Variants in TMEM275 observed in about 807,000 individuals in gnomAD.
TMEM275 encodes transmembrane protein 275.
chr1:46,533,729 A>C lies in TMEM275; in HGVS notation c.-123-79T>G. 1 of 362,472 alleles carries C rather than the reference A, an allele frequency of 2.8e-6. No homozygotes were observed. The highest frequency in any genetic ancestry group is 4.9e-6 in the Non-Finnish European group (1 of 203,136). 22.5% of individuals were successfully genotyped at this position (362,472 alleles called of 1,614,324 possible). On this transcript the variant is annotated intron_variant, in intron 1 of 1. Coordinates refer to ENST00000634804, the Ensembl canonical transcript of TMEM275. The surrounding 1 kb of genome is among the most constrained non-coding windows in gnomAD (Gnocchi z 4.4). ...CTAGGCTCCGTCTGTAGCTACACTG[A>C]GTGCCTGGGTGGGCAGAGGTCATCT...
chr1:46,532,311 T>C (rs551701155), exon 2 of TMEM275: 1 of 152,400 alleles, frequency 6.6e-6, no homozygotes, highest in South Asian at 2.1e-4. Context: ...CACTCACCTC[T>C]GTCAGGGCCC....
chr1:46,533,049 G>C lies in TMEM275; in HGVS notation c.479C>G (p.Ala160Gly). 1 of 396,074 alleles carries C rather than the reference G, an allele frequency of 2.5e-6. No individual in the cohort carries two copies. Among genetic ancestry groups the C allele is most frequent in the Non-Finnish European group, 4.5e-6 (1 of 224,390 alleles). 24.5% of individuals were successfully genotyped at this position (396,074 alleles called of 1,614,324 possible). A position where few individuals can be genotyped will look rare whatever the true frequency, so the allele number is the denominator to read the frequency against. The change falls in exon 2 of 2, where the codon GCG (alanine) becomes GGG (glycine). Residue 160 changes from alanine to glycine, a missense_variant. Ala to Gly is a moderately conservative substitution (Grantham distance 60, BLOSUM62 0). Coordinates refer to ENST00000634804, the Ensembl canonical transcript of TMEM275. The surrounding 1 kb of genome is among the most constrained non-coding windows in gnomAD (Gnocchi z 4.4). ...GAGCTGGACTCCTTCCGAGCGCAGCGCGCAGACGGCCGCGGGCGCCGGGGC... is the reference window on the plus strand; with the variant it reads ...GAGCTGGACTCCTTCCGAGCGCAGCCCGCAGACGGCCGCGGGCGCCGGGGC...
rs1050025605 is a variant in TMEM275, at chr1:46,533,471, G to C, written c.57C>G (p.Ala19=). ...ACGGCAGGCCGGGCACCCGGCCCCGGGCGCGTTCCGCGGGCGCCGGGACCG... is the reference window on the plus strand; with the variant it reads ...ACGGCAGGCCGGGCACCCGGCCCCGCGCGCGTTCCGCGGGCGCCGGGACCG... The change falls in exon 2 of 2, where the codon GCC becomes GCG. Residue 19 remains alanine (A), a synonymous_variant. Coordinates refer to ENST00000634804, the Ensembl canonical transcript of TMEM275. This position sits in a 1 kb window ranked among gnomAD's most constrained non-coding sequence, Gnocchi z 4.4. The C allele has an allele frequency of 1.0e-5, 4 of 388,074 alleles. No individual in the cohort carries two copies. The highest frequency in any genetic ancestry group is 4.5e-5 in the Admixed American group (1 of 22,302). The allele number at this position is 388,074 out of a possible 1,614,324, so 24.0% of individuals were successfully genotyped here.
intron 1 of TMEM275, among the ~76,000 whole-genome samples, 56 bp downstream of exon 1, chr1:46,535,055 T>G (rs1316371705): frequency 6.6e-6 from 1 of 152,074 alleles, no homozygotes; most frequent in Non-Finnish European, 1.5e-5. Context: ...ATCTGGGAGG[T>G]TGGTCATGTT....
At chr1:46,534,401 C>A (rs1484379053) in intron 1 of TMEM275, among the ~76,000 whole-genome samples, 54 bp downstream of exon 2, 1 of 152,156 alleles carries the variant, frequency 6.6e-6, no homozygotes, top group Non-Finnish European at 1.5e-5. Flanking sequence ...TGGAGCAGAT[C>A]TAAAGCACCA....
At position 46,533,243 on chromosome 1, in the gene TMEM275, C is replaced by T; in HGVS notation, c.285G>A (p.Ala95=). The T allele has an allele frequency of 6.0e-6, 2 of 334,450 alleles. No homozygotes were observed. 20.7% of individuals were successfully genotyped at this position (334,450 alleles called of 1,614,324 possible). Reference sequence around the variant, plus strand: ...CACCCTGGCCCGGGCCCGCCGCGGCCGCCGAGCGCCCACGGGGCGCGAGGC... The same window carrying T: ...CACCCTGGCCCGGGCCCGCCGCGGCTGCCGAGCGCCCACGGGGCGCGAGGC... Residue 95 remains alanine (A), a synonymous_variant, in exon 2 of 2, where the codon GCG becomes GCA. Transcript: ENST00000634804. This position sits in a 1 kb window ranked among gnomAD's most constrained non-coding sequence, Gnocchi z 4.4.
Position 46,533,694 on chromosome 1 carries a change from A to T in TMEM275, c.-123-44T>A, listed in dbSNP as rs1666703011. ...AGGGCGGCGTCAGCAGGGTATCTTG[A>T]CCTCCAGTCCTAGGCTCCGTCTGTA... On this transcript the variant is annotated intron_variant, in intron 1 of 1. Transcript: ENST00000634804. This position sits in a 1 kb window ranked among gnomAD's most constrained non-coding sequence, Gnocchi z 4.4. The T allele has an allele frequency of 2.7e-6, 1 of 367,424 alleles. No homozygotes were observed. Among genetic ancestry groups the T allele is most frequent in the African/African-American group, 2.1e-5 (1 of 47,248 alleles). 22.8% of individuals were successfully genotyped at this position (367,424 alleles called of 1,614,324 possible). A position where few individuals can be genotyped will look rare whatever the true frequency, so the allele number is the denominator to read the frequency against.
rs1164616842 is a variant in TMEM275 at position 46,533,501 on chromosome 1, C to T, written c.27G>A (p.Gly9=). The change falls in exon 2 of 2, where the codon GGG becomes GGA. Residue 9 remains glycine, a synonymous_variant. Transcript: ENST00000634804. The surrounding 1 kb of genome is among the most constrained non-coding windows in gnomAD (Gnocchi z 4.4). ...GTTCCGCGGGCGCCGGGACCGGTGG[C>T]CCCTCGCTCTTTTCTGCCGGCGGCA... The T allele has an allele frequency of 7.7e-6, 3 of 388,964 alleles. No individual in the cohort carries two copies. The highest frequency in any genetic ancestry group is 1.4e-5 in the Non-Finnish European group (3 of 219,824). 24.1% of individuals were successfully genotyped at this position (388,964 alleles called of 1,614,324 possible).
intron 1 of TMEM275, among the ~76,000 whole-genome samples, 54 bp from the exon 3 acceptor site, chr1:46,534,095 G>C (rs1391944390): frequency 6.6e-6 from 1 of 152,150 alleles, no homozygotes; most frequent in Non-Finnish European, 1.5e-5. Flanking sequence ...CTCTCAAGTG[G>C]AAGAGGCCTT....
At position 46,533,080 on chromosome 1, in the gene TMEM275, G is replaced by C; in HGVS notation, c.448C>G (p.Leu150Val). 1 of 394,404 alleles carries C rather than the reference G, an allele frequency of 2.5e-6. No homozygotes were observed. Among genetic ancestry groups the C allele is most frequent in the Non-Finnish European group, 4.5e-6 (1 of 223,376 alleles). 24.4% of individuals were successfully genotyped at this position (394,404 alleles called of 1,614,324 possible). A position where few individuals can be genotyped will look rare whatever the true frequency, so the allele number is the denominator to read the frequency against. Residue 150 changes from leucine (L) to valine (V), a missense_variant, in exon 2 of 2, where the codon CTG becomes GTG. By Grantham distance (32) the Leu-to-Val change is conservative. Coordinates refer to ENST00000634804, the Ensembl canonical transcript of TMEM275. The surrounding 1 kb of genome is among the most constrained non-coding windows in gnomAD (Gnocchi z 4.4). ...ACGGCCGCGGGCGCCGGGGCCTCCA[G>C]GGCGAGGGGGCTGGGGCCGGGGCTG...
rs1666697635 is a variant in TMEM275 at position 46,533,465 on chromosome 1, G to A, written c.63C>T (p.Gly21=). Residue 21 remains glycine, a synonymous_variant, in exon 2 of 2, where the codon GGC becomes GGT. Coordinates refer to ENST00000634804, the Ensembl canonical transcript of TMEM275. The surrounding 1 kb of genome is among the most constrained non-coding windows in gnomAD (Gnocchi z 4.4). The stretch of plus-strand genomic sequence containing the variant: ...CCGGCGACGGCAGGCCGGGCACCCG[G>A]CCCCGGGCGCGTTCCGCGGGCGCCG... 2 of 386,706 alleles carry A rather than the reference G, an allele frequency of 5.2e-6. No individual in the cohort carries two copies. Among genetic ancestry groups the A allele is most frequent in the Non-Finnish European group, 9.2e-6 (2 of 218,434 alleles). The allele number at this position is 386,706 out of a possible 1,614,324, so 24.0% of individuals were successfully genotyped here.
At chr1:46,532,651 GA>G (rs1666681980) in exon 2 of TMEM275, 1 of 189,192 alleles carries the variant, frequency 5.3e-6, no homozygotes, top group Non-Finnish European at 1.1e-5. Flanking sequence ...ATGCCAGGGG[GA>G]GGTGGCAGTG....
Position 46,533,163 on chromosome 1 carries a change from T to C in TMEM275, c.365A>G (p.Gln122Arg), listed in dbSNP as rs1666690504. The C allele has an allele frequency of 2.6e-6, 1 of 383,604 alleles. No homozygotes were observed. The highest frequency in any genetic ancestry group is 4.6e-6 in the Non-Finnish European group (1 of 217,400). 23.8% of individuals were successfully genotyped at this position (383,604 alleles called of 1,614,324 possible). ...GCTGAGCTGCACGGCCGTGGTGTCC[T>C]GTGCCGTGGGCTCGCTGCTCTCCAT... The change falls in exon 2 of 2, where the codon CAG (glutamine) becomes CGG (arginine). Residue 122 changes from glutamine to arginine, a missense_variant. By Grantham distance (43) the Gln-to-Arg change is conservative. Coordinates refer to ENST00000634804, the Ensembl canonical transcript of TMEM275. The surrounding 1 kb of genome is among the most constrained non-coding windows in gnomAD (Gnocchi z 4.4).
In TMEM275 at chr1:46,533,507, G is replaced by A; in HGVS notation, c.21C>T (p.Ser7=). The A allele has an allele frequency of 2.6e-6, 1 of 388,684 alleles. No individual in the cohort carries two copies. 24.1% of individuals were successfully genotyped at this position (388,684 alleles called of 1,614,324 possible). Residue 7 remains serine (S), a synonymous_variant, in exon 2 of 2, where the codon AGC becomes AGT. Coordinates refer to ENST00000634804, the Ensembl canonical transcript of TMEM275. The surrounding 1 kb of genome is among the most constrained non-coding windows in gnomAD (Gnocchi z 4.4). ...CGGGCGCCGGGACCGGTGGCCCCTC[G>A]CTCTTTTCTGCCGGCGGCATCGGCC...
exon 2 of TMEM275, chr1:46,532,668 G>A (rs1418635536): frequency 9.6e-6 from 2 of 207,642 alleles, no homozygotes; most frequent in African/African-American, 2.3e-5. Context: ...CAGTGTCAGG[G>A]TTCCAGGGTC....
exon 2 of TMEM275, chr1:46,532,568 C>G (rs1229590166): frequency 1.3e-5 from 2 of 155,882 alleles, no homozygotes; most frequent in African/African-American, 4.8e-5. Flanking sequence ...CCCTCTCTTC[C>G]TCCCACCTCA....
In TMEM275 at chr1:46,533,327, C is replaced by T; in HGVS notation, c.201G>A (p.Leu67=). 5.4e-6 allele frequency: 2 copies of T among 372,442 alleles called. No individual in the cohort carries two copies. The highest frequency in any genetic ancestry group is 9.6e-6 in the Non-Finnish European group (2 of 209,180). The allele number at this position is 372,442 out of a possible 1,614,324, so 23.1% of individuals were successfully genotyped here. A position where few individuals can be genotyped will look rare whatever the true frequency, so the allele number is the denominator to read the frequency against. ...AGCCGAGCGCCAGCACCAGCAGCGC[C>T]AGCCCCACGACGAGCAGCGCGTTGT... The change falls in exon 2 of 2, where the codon CTG becomes CTA. Residue 67 remains leucine, a synonymous_variant. Coordinates refer to ENST00000634804, the Ensembl canonical transcript of TMEM275. This position sits in a 1 kb window ranked among gnomAD's most constrained non-coding sequence, Gnocchi z 4.4.
chr1:46,533,025 A>T lies in TMEM275; in HGVS notation c.503T>A (p.Leu168His), dbSNP rs901624255. The change falls in exon 2 of 2, where the codon CTC becomes CAC. Residue 168 changes from leucine (L) to histidine (H), a missense_variant. By Grantham distance (99) the Leu-to-His change is moderately conservative. Transcript: ENST00000634804. This position sits in a 1 kb window ranked among gnomAD's most constrained non-coding sequence, Gnocchi z 4.4. The stretch of plus-strand genomic sequence containing the variant: ...GGCGGCGCGCGCCCGGGGTGGGTTG[A>T]GCTGGACTCCTTCCGAGCGCAGCGC... 1.3e-5 allele frequency: 5 copies of T among 396,124 alleles called. No individual in the cohort carries two copies. The highest frequency in any genetic ancestry group is 2.2e-5 in the Non-Finnish European group (5 of 224,616). 24.5% of individuals were successfully genotyped at this position (396,124 alleles called of 1,614,324 possible).
chr1:46,533,622 C>A lies in TMEM275; in HGVS notation c.-95G>T, dbSNP rs1211674244. 1 of 367,372 alleles carries A rather than the reference C, an allele frequency of 2.7e-6. No individual in the cohort carries two copies. Among genetic ancestry groups the A allele is most frequent in the African/African-American group, 2.1e-5 (1 of 46,698 alleles). The allele number at this position is 367,372 out of a possible 1,614,324, so 22.8% of individuals were successfully genotyped here. A position where few individuals can be genotyped will look rare whatever the true frequency, so the allele number is the denominator to read the frequency against. ...AGCCTCCTCACGCTGGTCCTGTGGGCAACTGCCAGGAGCCTCCTCACGCTG... is the reference window on the plus strand; with the variant it reads ...AGCCTCCTCACGCTGGTCCTGTGGGAAACTGCCAGGAGCCTCCTCACGCTG... On this transcript the variant is annotated 5_prime_UTR_variant, in exon 2 of 2. Transcript: ENST00000634804. This position sits in a 1 kb window ranked among gnomAD's most constrained non-coding sequence, Gnocchi z 4.4.
Sources: allele counts gnomAD v4.1 joint callset (sites outside exome capture counted in the v4.1 genomes callset), GRCh38; gene constraint gnomAD v4.1.1; non-coding constraint Gnocchi (gnomAD v3.1); transcripts MANE v1.5; gene names NCBI Gene and HGNC (gene_info 2026-07-23, HGNC 2026-07-21).